PTPRT: variants seen among roughly 807,000 people sequenced by gnomAD.
PTPRT encodes the protein receptor-type tyrosine-protein phosphatase T.
In PTPRT, 56 loss-of-function variants were observed where a neutral mutation model predicts 176.8. The ratio of observed to expected loss-of-function variants is 0.32; its 90% CI spans 0.26 to 0.40. PTPRT has a LOEUF of 0.40. PTPRT is among the 10% of genes least tolerant of loss of function. The pLI, the probability that PTPRT is intolerant of heterozygous loss-of-function variation, is 1.00. For synonymous variants in PTPRT, 783 were observed against 739.0 expected, an observed-to-expected ratio of 1.06 and a Z score of -0.96; for missense variants, 1,540 against 1,908.2, an observed-to-expected ratio of 0.81 and a Z score of 3.60.
intron 27 of PTPRT, among the ~76,000 whole-genome samples, chr20:42,096,815 G>A (rs953918371): frequency 2.1e-5 from 3 of 146,274 alleles, no homozygotes; most frequent in African/African-American, 7.6e-5. Flanking sequence ...GCCCAGGCTG[G>A]GCTTGAACTC....
chr20:42,069,454 C>T (rs978825740), downstream of PTPRT, among the ~76,000 whole-genome samples: 1 of 152,122 alleles, frequency 6.6e-6, no homozygotes, highest in African/African-American at 2.4e-5. Context: ...ATTTTCAAAC[C>T]TCTTGATCCA....
chr20:43,133,513 A>T (rs567331404), intron 1 of PTPRT, among the ~76,000 whole-genome samples: 17 of 152,230 alleles, frequency 1.1e-4, no homozygotes, highest in Middle Eastern at 3.4e-3. Context: ...TGGGAGGCCG[A>T]GGCAGGCGGA....
chr20:42,963,124 G>A (rs1314364082), intron 1 of PTPRT, among the ~76,000 whole-genome samples: 1 of 152,072 alleles, frequency 6.6e-6, no homozygotes, highest in South Asian at 2.1e-4. Context: ...GCGTGAACCC[G>A]GGAGGTGAAG....
intron 12 of PTPRT, among the ~76,000 whole-genome samples, chr20:42,293,272 G>A (rs1261658047): frequency 6.6e-6 from 1 of 152,110 alleles, no homozygotes; most frequent in Non-Finnish European, 1.5e-5. Context: ...TCCCTTCAGT[G>A]AGACTACACT....
intron 1 of PTPRT, among the ~76,000 whole-genome samples, chr20:42,997,772 T>G (rs1347878072): frequency 6.6e-6 from 1 of 152,150 alleles, no homozygotes; most frequent in Non-Finnish European, 1.5e-5. Context: ...TCATTGTTGG[T>G]ATCGTTCAGT....
chr20:43,141,884 T>C (rs2014020833), intron 1 of PTPRT, among the ~76,000 whole-genome samples: 1 of 152,160 alleles, frequency 6.6e-6, no homozygotes, highest in African/African-American at 2.4e-5. Context: ...ACAGAACCAT[T>C]CCAAGCCATC....
At chr20:43,151,230 C>T (rs1297864808) in intron 1 of PTPRT, among the ~76,000 whole-genome samples, 2 of 151,308 alleles carry the variant, frequency 1.3e-5, no homozygotes, top group East Asian at 2.0e-4. Context: ...TGCTTGAACC[C>T]GGGAGGCGGA....
chr20:42,568,129 C>T (rs752625115), intron 7 of PTPRT, among the ~76,000 whole-genome samples: 7 of 151,966 alleles, frequency 4.6e-5, no homozygotes, highest in Non-Finnish European at 1.0e-4. Context: ...CCACCATGCC[C>T]GGCTAATTTT....
intron 6 of PTPRT, among the ~76,000 whole-genome samples, chr20:42,694,016 GT>G (rs1217283738): frequency 4.1e-5 from 6 of 146,820 alleles, no homozygotes; most frequent in African/African-American, 1.5e-4. Flanking sequence ...ATTACTCCAG[GT>G]TTTTTTTCTT....
intron 1 of PTPRT, among the ~76,000 whole-genome samples, chr20:43,184,381 A>G (rs1474077465): frequency 6.6e-6 from 1 of 152,124 alleles, no homozygotes; most frequent in African/African-American, 2.4e-5. Flanking sequence ...TAATGCTCAC[A>G]TTTGAAGATA....
chr20:42,930,119 A>G (rs1979737867), intron 1 of PTPRT, among the ~76,000 whole-genome samples: 3 of 152,232 alleles, frequency 2.0e-5, no homozygotes, highest in Non-Finnish European at 2.9e-5. Flanking sequence ...AAAGGAGGGA[A>G]GAGGACAGGG....
intron 1 of PTPRT, among the ~76,000 whole-genome samples, chr20:43,123,468 G>A (rs919254627): frequency 2.6e-5 from 4 of 152,152 alleles, no homozygotes; most frequent in African/African-American, 9.7e-5. Flanking sequence ...AGATCTTCCA[G>A]GGAGTCCTCT....
intron 1 of PTPRT, among the ~76,000 whole-genome samples, chr20:43,180,620 T>C (rs1305627302): frequency 1.3e-5 from 2 of 152,026 alleles, no homozygotes; most frequent in Non-Finnish European, 2.9e-5. Flanking sequence ...CACACCATCA[T>C]GCCCAGCTAA....
chr20:42,798,893 G>A (rs1186922736), intron 2 of PTPRT, among the ~76,000 whole-genome samples: 2 of 152,002 alleles, frequency 1.3e-5, no homozygotes, highest in Non-Finnish European at 2.9e-5. Context: ...GCGCACTGGT[G>A]GAGAGGCTCT....
At chr20:43,135,177 G>A (rs1378798560) in intron 1 of PTPRT, among the ~76,000 whole-genome samples, 1 of 152,216 alleles carries the variant, frequency 6.6e-6, no homozygotes, top group Non-Finnish European at 1.5e-5. Flanking sequence ...GGGAGTGAGA[G>A]TAAATGAGAT....
rs200051113 is a variant in PTPRT at position 42,859,586 on chromosome 20, A to T, written c.214+26221T>A. On this transcript the variant is annotated intron_variant, in intron 2 of 30. Coordinates refer to ENST00000373187, the MANE Select transcript of PTPRT (RefSeq NM_007050.6). Reference sequence around the variant, plus strand: ...CTCAGTTTGTTTATTTTTTTTTTTAATTTTTTTTTTTTTTTGAGATGGAGT... The same window carrying T: ...CTCAGTTTGTTTATTTTTTTTTTTATTTTTTTTTTTTTTTTGAGATGGAGT... 1.5e-3 allele frequency among the ~76,000 whole-genome samples: 192 copies of T among 127,622 alleles called. 1 individual carries two copies. The highest frequency in any genetic ancestry group is 2.5e-3 in the Non-Finnish European group (152 of 61,958). 83.7% of individuals were successfully genotyped at this position (127,622 alleles called of 152,430 possible).
chr20:42,228,615 G>A (rs144693303), intron 15 of PTPRT, among the ~76,000 whole-genome samples: 34 of 152,296 alleles, frequency 2.2e-4, no homozygotes, highest in Non-Finnish European at 4.0e-4. Context: ...TATCATCACC[G>A]TAGGCCAAAA....
At chr20:42,392,525 G>T (rs1284981638) in intron 9 of PTPRT, among the ~76,000 whole-genome samples, 1 of 152,004 alleles carries the variant, frequency 6.6e-6, no homozygotes, top group Non-Finnish European at 1.5e-5. Context: ...ATGACCTACA[G>T]TTCACTTGGC....
chr20:42,611,054 A>G (rs1282025686), intron 7 of PTPRT, among the ~76,000 whole-genome samples: 1 of 152,128 alleles, frequency 6.6e-6, no homozygotes, highest in Non-Finnish European at 1.5e-5. Flanking sequence ...GCTATATTTA[A>G]TTTATCCGAT....
Sources: gnomAD v4.1 joint callset for allele counts (sites outside exome capture counted in the v4.1 genomes callset) on GRCh38, gnomAD v4.1.1 for gene constraint, MANE v1.5 for transcripts, NCBI Gene and HGNC (gene_info 2026-07-23, HGNC 2026-07-21) for gene names.